Variants in RUFY3 observed in about 807,000 individuals in gnomAD.
RUFY3 encodes the protein RUN and FYVE domain containing 3.
In RUFY3, 34 loss-of-function variants were observed where a neutral mutation model predicts 84.0. The observed-to-expected ratio is 0.40, with a 90% CI of 0.31 to 0.54. The LOEUF (loss-of-function observed/expected upper bound fraction) is 0.54, where lower values mean the gene tolerates loss of function less well. Ranked by LOEUF, RUFY3 falls within the 20% of genes least tolerant of loss-of-function variation. RUFY3 has a pLI of 0.39. For missense variants in RUFY3, 507 were observed against 736.8 expected (o/e 0.69, Z 3.61); for synonymous variants, 242 against 252.9 (o/e 0.96, Z 0.41).
chr4:70,731,306 G>C (rs967348802), intron 1 of RUFY3, among the ~76,000 whole-genome samples: 13 of 152,088 alleles, frequency 8.5e-5, no homozygotes, highest in Admixed American at 8.5e-4. Flanking sequence ...CCAAAGTGCT[G>C]GGATTACAGG....
chr4:70,742,408 C>T (rs1392910674), intron 1 of RUFY3, among the ~76,000 whole-genome samples: 3 of 152,196 alleles, frequency 2.0e-5, no homozygotes, highest in Non-Finnish European at 4.4e-5. Flanking sequence ...ACACACACAT[C>T]CACCACTCTG....
intron 1 of RUFY3, among the ~76,000 whole-genome samples, chr4:70,753,365 G>A (rs951669864): frequency 3.3e-5 from 5 of 152,136 alleles, no homozygotes; most frequent in Non-Finnish European, 5.9e-5. Flanking sequence ...TTTCTCAGTA[G>A]TTGTTTTTGC....
chr4:70,717,971 C>T (rs1741814691), upstream of RUFY3, among the ~76,000 whole-genome samples: 1 of 150,692 alleles, frequency 6.6e-6, no homozygotes, highest in South Asian at 2.1e-4. Flanking sequence ...CAACCTCCGC[C>T]TCCCGGGTTC....
At chr4:70,789,087 C>T (rs1218520117) in intron 11 of RUFY3, 114 bp downstream of exon 11, 1 of 1,449,210 alleles carries the variant, frequency 6.9e-7, no homozygotes, top group Non-Finnish European at 9.1e-7. Flanking sequence ...AATCACATCT[C>T]ATTTTGATGC....
At chr4:70,752,080 C>G (rs570403900) in intron 1 of RUFY3, among the ~76,000 whole-genome samples, 129 of 152,268 alleles carry the variant, frequency 8.5e-4, no homozygotes, top group African/African-American at 3.0e-3. Context: ...CGCGCCCAGC[C>G]TGATCTTTTA....
chr4:70,769,335 A>C (rs2148725280), intron 5 of RUFY3, among the ~76,000 whole-genome samples: 1 of 152,350 alleles, frequency 6.6e-6, no homozygotes, highest in Non-Finnish European at 1.5e-5. Context: ...AACTCTAAAA[A>C]AAATTTTTTA....
rs751625310 is a variant in RUFY3 at position 70,800,137 on chromosome 4, G to T, written c.1558-4G>T. On this transcript the variant is annotated splice_polypyrimidine_tract_variant and splice_region_variant and intron_variant, in intron 14 of 17. Coordinates refer to ENST00000381006, the MANE Select transcript of RUFY3 (RefSeq NM_001037442.4). ...TAATAAATTGGGCTGTTTTCTTTTG[G>T]CAGGATGGGAAGCACAAAATGCAAG... The T allele has an allele frequency of 2.5e-6, 4 of 1,601,006 alleles. No homozygotes were observed. The highest frequency in any genetic ancestry group is 2.5e-6 in the Non-Finnish European group (3 of 1,176,702).
At chr4:70,716,723 A>T (rs1053444550) in intron 1 of RUFY3, among the ~76,000 whole-genome samples, 17 of 151,870 alleles carry the variant, frequency 1.1e-4, no homozygotes, top group Non-Finnish European at 1.9e-4. Flanking sequence ...AGGTGCCTGT[A>T]ATCCCAGCTA....
intron 13 of RUFY3, 32 bp downstream of exon 13, chr4:70,793,936 G>A (rs550184865): frequency 6.2e-7 from 1 of 1,610,184 alleles, no homozygotes; most frequent in Admixed American, 1.7e-5. Flanking sequence ...CTGACAGGGT[G>A]GTCATGGGTA....
In RUFY3 at chr4:70,806,543, T is replaced by C; in HGVS notation, c.1747T>C (p.Phe583Leu). ...KNVCKNCSGT[F>L]CDACSTNELP... ...TGTGTGTAAGAACTGCAGCGGAACC[T>C]TCTGTGATGCCTGTTCAACAAATGA... The change falls in exon 18 of 18, where the codon TTC becomes CTC. Residue 583 changes from phenylalanine to leucine, a missense_variant. This residue lies in a region of RUFY3 where 334 missense variants were observed against 364.1 expected (regional missense o/e 0.92). Coordinates refer to ENST00000381006, the MANE Select transcript of RUFY3 (RefSeq NM_001037442.4). 6.2e-7 allele frequency: 1 copy of C among 1,614,152 alleles called. No individual in the cohort carries two copies. The highest frequency in any genetic ancestry group is 1.7e-5 in the Admixed American group (1 of 60,022).
chr4:70,706,296 C>T lies in RUFY3; in HGVS notation c.358+1002C>T, dbSNP rs188773693. Among the ~76,000 whole-genome samples the T allele has an allele frequency of 3.3e-5, 5 of 152,234 alleles. No individual in the cohort carries two copies. The South Asian group carries it at 6.2e-4, about 19-fold the overall frequency. ...AGGGAAGGACCTTTCCCACCATACA[C>T]CCTATATTTTTAAAGCACAAGTACA... On this transcript the variant is annotated intron_variant, in intron 1 of 11. Transcript: ENST00000417478.
intron 12 of RUFY3, 94 bp downstream of exon 12, chr4:70,789,686 A>C: frequency 7.0e-7 from 1 of 1,434,558 alleles, no homozygotes; most frequent in South Asian, 1.5e-5. Flanking sequence ...AAATACATGA[A>C]ATTCTTCCAA....
intron 1 of RUFY3, among the ~76,000 whole-genome samples, chr4:70,757,821 A>G (rs926793616): frequency 6.6e-6 from 1 of 152,198 alleles, no homozygotes; most frequent in Non-Finnish European, 1.5e-5. Context: ...CATTAAAACA[A>G]TATCTAACAC....
At chr4:70,722,782 A>G in intron 1 of RUFY3, 31 bp downstream of exon 1, 1 of 1,595,132 alleles carries the variant, frequency 6.3e-7, no homozygotes, top group Admixed American at 1.7e-5. Context: ...CTAGTATTTC[A>G]CCAGCATCCT....
At chr4:70,778,729 A>G (rs949449678) in intron 8 of RUFY3, among the ~76,000 whole-genome samples, 2 of 151,598 alleles carry the variant, frequency 1.3e-5, no homozygotes, top group South Asian at 4.2e-4. Flanking sequence ...ACAGGCATAC[A>G]CCACCACCCC....
intron 12 of RUFY3, chr4:70,791,886 A>T: frequency 1.0e-6 from 1 of 985,718 alleles, no homozygotes; most frequent in Non-Finnish European, 1.2e-6. Flanking sequence ...ATTGCTTGCA[A>T]CTTTTTTTGC....
intron 12 of RUFY3, chr4:70,791,646 C>T: frequency 9.6e-7 from 1 of 1,037,174 alleles, no homozygotes; most frequent in Non-Finnish European, 1.2e-6. Context: ...ACAACCCAGT[C>T]CTTGATAATA....
rs756841043 is a variant in RUFY3, at chr4:70,808,028, G to A, written c.*1369G>A. On this transcript the variant is annotated 3_prime_UTR_variant, in exon 18 of 18. Coordinates refer to ENST00000381006, the MANE Select transcript of RUFY3 (RefSeq NM_001037442.4). ...CCCATTATAGAGAATGGGTTATATG[G>A]TATTTGCATATAACCTACATACATC... 1.0e-3 allele frequency among the ~76,000 whole-genome samples: 159 copies of A among 152,120 alleles called. 1 individual carries two copies. The highest frequency in any genetic ancestry group is 7.8e-4 in the Non-Finnish European group (53 of 68,002).
chr4:70,715,856 G>C (rs1443585292), intron 1 of RUFY3, among the ~76,000 whole-genome samples: 1 of 152,110 alleles, frequency 6.6e-6, no homozygotes, highest in South Asian at 2.1e-4. Context: ...GCCAATGCCT[G>C]TAATCCCAGC....
Sources: gnomAD v4.1 joint callset for allele counts (sites outside exome capture counted in the v4.1 genomes callset) on GRCh38, gnomAD v4.1.1 for gene constraint, gnomAD v4.1.1 regional missense constraint, MANE v1.5 for transcripts, NCBI Gene and HGNC (gene_info 2026-07-23, HGNC 2026-07-21) for gene names.